FHIT: variants seen among roughly 807,000 people sequenced by gnomAD.
FHIT encodes the protein fragile histidine triad diadenosine triphosphatase, also known as bis(5'-adenosyl)-triphosphatase.
In FHIT, 19 loss-of-function variants were observed where a neutral mutation model predicts 17.9. The ratio of observed to expected loss-of-function variants is 1.06; its 90% CI spans 0.74 to 1.56. FHIT has a LOEUF of 1.56. Among genes scored for constraint, FHIT ranks in the 40% most tolerant of loss-of-function variants. FHIT has a pLI of 0.00. For synonymous variants in FHIT, 81 were observed against 69.7 expected (o/e 1.16, Z -0.81); for missense variants, 248 against 189.2 (o/e 1.31, Z -1.82).
intron 7 of FHIT, among the ~76,000 whole-genome samples, chr3:59,925,305 T>C (rs1475613767): frequency 6.6e-6 from 1 of 152,074 alleles, no homozygotes; most frequent in African/African-American, 2.4e-5. Flanking sequence ...GAGTTCTCAC[T>C]ATGTTGCCCA....
intron 5 of FHIT, among the ~76,000 whole-genome samples, chr3:60,182,548 A>G (rs938479897): frequency 6.6e-6 from 1 of 151,944 alleles, no homozygotes; most frequent in Admixed American, 6.6e-5. Flanking sequence ...AGGCTGAGGC[A>G]GGCAGACAGC....
At chr3:60,654,878 G>A (rs2040078168) in intron 4 of FHIT, among the ~76,000 whole-genome samples, 1 of 152,164 alleles carries the variant, frequency 6.6e-6, no homozygotes, top group Non-Finnish European at 1.5e-5. Context: ...GTATATAGCT[G>A]ACCGAGAATG....
intron 3 of FHIT, among the ~76,000 whole-genome samples, chr3:60,946,260 G>C (rs1405070690): frequency 3.9e-5 from 6 of 152,186 alleles, no homozygotes; most frequent in Non-Finnish European, 7.3e-5. Context: ...GGTGGTCAGA[G>C]AGTGGGATGC....
intron 4 of FHIT, among the ~76,000 whole-genome samples, chr3:60,571,247 A>T (rs2037368608): frequency 6.7e-6 from 1 of 148,756 alleles, no homozygotes; most frequent in African/African-American, 2.5e-5. Context: ...GAGGCAGGAG[A>T]ATCACTTGAA....
At chr3:59,772,808 C>T (rs753815724) in intron 8 of FHIT, among the ~76,000 whole-genome samples, 1 of 152,146 alleles carries the variant, frequency 6.6e-6, no homozygotes, top group Non-Finnish European at 1.5e-5. Context: ...CTAGCTTGTG[C>T]ATCCACAACT....
At chr3:59,862,230 G>C (rs1228679034) in intron 8 of FHIT, among the ~76,000 whole-genome samples, 2 of 152,204 alleles carry the variant, frequency 1.3e-5, no homozygotes, top group African/African-American at 4.8e-5. Flanking sequence ...CATCTTACAT[G>C]GTGGCAGGCA....
chr3:60,566,257 T>C (rs1281968633), intron 4 of FHIT, among the ~76,000 whole-genome samples: 1 of 152,040 alleles, frequency 6.6e-6, no homozygotes, highest in Non-Finnish European at 1.5e-5. Context: ...GAGAGTTCTG[T>C]AGATGATCAA....
At chr3:60,891,546 T>G (rs1553760702) in intron 3 of FHIT, among the ~76,000 whole-genome samples, 3 of 152,176 alleles carry the variant, frequency 2.0e-5, no homozygotes, top group Non-Finnish European at 2.9e-5. Context: ...GAACAAACAA[T>G]GCATAGATCA....
intron 5 of FHIT, among the ~76,000 whole-genome samples, chr3:60,320,786 T>C (rs1447704673): frequency 1.3e-5 from 2 of 152,210 alleles, no homozygotes; most frequent in South Asian, 2.1e-4. Flanking sequence ...TAGGGAGATA[T>C]AAATTTGAAA....
intron 2 of FHIT, among the ~76,000 whole-genome samples, chr3:61,184,375 A>G (rs1189321948): frequency 6.6e-6 from 1 of 152,166 alleles, no homozygotes; most frequent in Non-Finnish European, 1.5e-5. Flanking sequence ...GGAAAACTGC[A>G]CTGACTTCCT....
At position 59,752,328 on chromosome 3, in the gene FHIT, A is replaced by C. The variant is rs1575599633; in HGVS notation, c.349-7T>G. 2 of 1,606,220 alleles carry C rather than the reference A, an allele frequency of 1.2e-6. No individual in the cohort carries two copies. Among genetic ancestry groups the C allele is most frequent in the Non-Finnish European group, 1.7e-6 (2 of 1,176,296 alleles). ...CCTTGTCATGTTTCTGGAGCTTTGG[A>C]GAAAAAAAAAGGAAGAGGCTCTTTC... On this transcript the variant is annotated splice_polypyrimidine_tract_variant and splice_region_variant and intron_variant, in intron 8 of 9. Coordinates refer to ENST00000492590, the MANE Select transcript of FHIT (RefSeq NM_002012.4).
intron 5 of FHIT, among the ~76,000 whole-genome samples, chr3:60,194,630 A>G (rs372884027): frequency 6.6e-6 from 1 of 152,224 alleles, no homozygotes; most frequent in Admixed American, 6.5e-5. Flanking sequence ...AAAAGAAACA[A>G]TCATCACAGT....
intron 5 of FHIT, among the ~76,000 whole-genome samples, chr3:60,357,707 T>A (rs1699733995): frequency 6.6e-6 from 1 of 152,212 alleles, no homozygotes; most frequent in East Asian, 1.9e-4. Flanking sequence ...TATTATTCTC[T>A]GTAGTATATA....
At chr3:61,038,362 A>G (rs2033354087) in intron 3 of FHIT, among the ~76,000 whole-genome samples, 1 of 152,224 alleles carries the variant, frequency 6.6e-6, no homozygotes, top group South Asian at 2.1e-4. Flanking sequence ...ATATGAAACC[A>G]GAATGTGTGA....
chr3:61,031,971 C>T (rs1476318379), intron 3 of FHIT, among the ~76,000 whole-genome samples: 2 of 152,206 alleles, frequency 1.3e-5, no homozygotes, highest in Non-Finnish European at 2.9e-5. Flanking sequence ...TGCTCAGATG[C>T]TCATGGCCGG....
chr3:60,928,068 G>A (rs1339149839), intron 3 of FHIT, among the ~76,000 whole-genome samples: 21 of 152,152 alleles, frequency 1.4e-4, no homozygotes, highest in Non-Finnish European at 4.4e-5. Context: ...TGGATTAAGG[G>A]AAGTGCAAGA....
chr3:60,127,965 C>T (rs1056521336), intron 5 of FHIT, among the ~76,000 whole-genome samples: 2 of 152,100 alleles, frequency 1.3e-5, no homozygotes, highest in African/African-American at 4.8e-5. Flanking sequence ...GTAAGTTACA[C>T]AAAGTCAGCA....
chr3:60,215,160 G>A (rs965396050), intron 5 of FHIT, among the ~76,000 whole-genome samples: 2 of 151,746 alleles, frequency 1.3e-5, no homozygotes, highest in Non-Finnish European at 1.5e-5. Context: ...CACACCCCTG[G>A]AATCTAAAAT....
At chr3:60,080,406 C>A (rs867119557) in intron 5 of FHIT, among the ~76,000 whole-genome samples, 1 of 152,110 alleles carries the variant, frequency 6.6e-6, no homozygotes, top group Non-Finnish European at 1.5e-5. Flanking sequence ...TTTAGATGGA[C>A]AGTCCCAGTT....
Sources: allele counts gnomAD v4.1 joint callset (sites outside exome capture counted in the v4.1 genomes callset), GRCh38; gene constraint gnomAD v4.1.1; transcripts MANE v1.5; gene names NCBI Gene and HGNC (gene_info 2026-07-23, HGNC 2026-07-21).